PRKAR2A: variants seen among roughly 807,000 people sequenced by gnomAD.
PRKAR2A encodes cAMP-dependent protein kinase type II-alpha regulatory subunit.
Under a neutral mutation model 51.9 loss-of-function variants are expected in PRKAR2A, and 29 were observed. That is an observed-to-expected ratio of 0.56 (90% CI 0.42 to 0.76). The LOEUF is 0.76. PRKAR2A is among the 30% of genes least tolerant of loss of function. PRKAR2A has a pLI of 0.00. For missense variants in PRKAR2A, 445 were observed against 512.1 expected (o/e 0.87, Z 1.26); for synonymous variants, 178 against 186.2 (o/e 0.96, Z 0.36).
At position 48,788,179 on chromosome 3, in the gene PRKAR2A, C is replaced by T. The variant is rs190455214; in HGVS notation, c.435+2365G>A. Among the ~76,000 whole-genome samples the T allele has an allele frequency of 2.5e-3, 386 of 152,154 alleles. 3 individuals carry two copies. The highest frequency in any genetic ancestry group is 8.7e-3 in the African/African-American group (361 of 41,512). Reference sequence around the variant, plus strand: ...CCGAGTAGCTGAGACTACAGGTGCGCGCCACCACGCCCAGCTAATTTTTGT... The same window carrying T: ...CCGAGTAGCTGAGACTACAGGTGCGTGCCACCACGCCCAGCTAATTTTTGT... On this transcript the variant is annotated intron_variant, in intron 4 of 10. Coordinates refer to ENST00000265563, the MANE Select transcript of PRKAR2A (RefSeq NM_004157.4).
chr3:48,796,673 T>TG (rs1314579258), intron 2 of PRKAR2A, among the ~76,000 whole-genome samples: 1 of 149,980 alleles, frequency 6.7e-6, no homozygotes, highest in Non-Finnish European at 1.5e-5. Context: ...AGACGGGGTT[T>TG]TTTTTTTTTT....
intron 2 of PRKAR2A, among the ~76,000 whole-genome samples, chr3:48,803,391 G>C (rs1484766257): frequency 6.6e-6 from 1 of 152,058 alleles, no homozygotes; most frequent in African/African-American, 2.4e-5. Context: ...GCCCAGCCTG[G>C]GCAATAGAAG....
At chr3:48,794,408 C>T (rs1275315512) in intron 2 of PRKAR2A, among the ~76,000 whole-genome samples, 1 of 151,660 alleles carries the variant, frequency 6.6e-6, no homozygotes, top group African/African-American at 2.4e-5. Context: ...GATGTATATC[C>T]ACCTGATGTA....
At position 48,751,413 on chromosome 3, in the gene PRKAR2A, T is replaced by C; in HGVS notation, c.*172A>G. The stretch of plus-strand genomic sequence containing the variant: ...AAAGTGGAGGTGTGGGTTGAACCTC[T>C]GCCCATCCTTTAGTGCTGACTTTCA... On this transcript the variant is annotated 3_prime_UTR_variant, in exon 11 of 11. Transcript: ENST00000265563. 1.1e-6 allele frequency: 1 copy of C among 919,788 alleles called. No individual in the cohort carries two copies. The highest frequency in any genetic ancestry group is 1.7e-6 in the Non-Finnish European group (1 of 581,952). The allele number at this position is 919,788 out of a possible 1,614,324, so 57.0% of individuals were successfully genotyped here.
chr3:48,792,455 CTTTTTTT>C (rs983032500), intron 3 of PRKAR2A, among the ~76,000 whole-genome samples: 1 of 66,808 alleles, frequency 1.5e-5, no homozygotes, highest in Non-Finnish European at 2.8e-5. Flanking sequence ...AAGGTTTAAT[CTTTTTTT>C]TTTTTTTTTT....
intron 9 of PRKAR2A, 71 bp downstream of exon 9, chr3:48,756,308 C>T: frequency 7.3e-7 from 1 of 1,360,732 alleles, no homozygotes; most frequent in South Asian, 1.2e-5. Flanking sequence ...GTATTCAACA[C>T]ACTTCACATT....
At chr3:48,805,077 A>AT (rs1020567251) in intron 2 of PRKAR2A, among the ~76,000 whole-genome samples, 9 of 151,006 alleles carry the variant, frequency 6.0e-5, no homozygotes, top group South Asian at 2.1e-4. Context: ...ATGCCCAGCT[A>AT]TTTTTTTTTA....
chr3:48,759,308 C>G (rs1344909780), intron 8 of PRKAR2A, among the ~76,000 whole-genome samples: 2 of 151,626 alleles, frequency 1.3e-5, no homozygotes, highest in Non-Finnish European at 2.9e-5. Context: ...CTTTGTAGGA[C>G]TGCTGTCATT....
chr3:48,754,531 G>A (rs761992738), intron 9 of PRKAR2A, among the ~76,000 whole-genome samples: 4 of 152,066 alleles, frequency 2.6e-5, no homozygotes, highest in Non-Finnish European at 5.9e-5. Flanking sequence ...CCAGCACTTT[G>A]GGAGGCAGAG....
At chr3:48,800,859 G>A (rs2082578471) in intron 2 of PRKAR2A, among the ~76,000 whole-genome samples, 1 of 151,638 alleles carries the variant, frequency 6.6e-6, no homozygotes, top group Admixed American at 6.6e-5. Flanking sequence ...ATTTTTAGTA[G>A]AGACAGGGTT....
At chr3:48,827,334 TA>T (rs2083085162) in intron 1 of PRKAR2A, among the ~76,000 whole-genome samples, 1 of 147,508 alleles carries the variant, frequency 6.8e-6, no homozygotes, top group Admixed American at 6.8e-5. Context: ...CCACTGAGTT[TA>T]AGATGAAAAA....
At chr3:48,818,791 C>G (rs2082912745) in intron 1 of PRKAR2A, among the ~76,000 whole-genome samples, 1 of 152,054 alleles carries the variant, frequency 6.6e-6, no homozygotes. Context: ...AGTATTCTCA[C>G]AAATTCAATA....
At chr3:48,815,227 T>A (rs932232375) in intron 1 of PRKAR2A, among the ~76,000 whole-genome samples, 25 of 151,990 alleles carry the variant, frequency 1.6e-4, no homozygotes, top group Non-Finnish European at 3.2e-4. Flanking sequence ...AATTTACCAG[T>A]TCTAAAGCCC....
intron 2 of PRKAR2A, among the ~76,000 whole-genome samples, chr3:48,801,527 G>A (rs956572713): frequency 6.6e-6 from 1 of 152,120 alleles, no homozygotes; most frequent in African/African-American, 2.4e-5. Context: ...GACCTCAGGT[G>A]ACCAGCCCAT....
chr3:48,821,209 G>A (rs921235380), intron 1 of PRKAR2A, among the ~76,000 whole-genome samples: 4 of 152,164 alleles, frequency 2.6e-5, no homozygotes, highest in Non-Finnish European at 4.4e-5. Context: ...TCAAGTCAGA[G>A]ATGACACAGA....
intron 1 of PRKAR2A, among the ~76,000 whole-genome samples, chr3:48,842,437 C>T (rs2083395754): frequency 1.3e-5 from 2 of 152,218 alleles, no homozygotes; most frequent in South Asian, 4.1e-4. Flanking sequence ...CTGGCCACAA[C>T]TTCCAACACT....
intron 1 of PRKAR2A, among the ~76,000 whole-genome samples, chr3:48,830,135 G>A (rs951341026): frequency 5.9e-5 from 9 of 151,494 alleles, no homozygotes; most frequent in Non-Finnish European, 1.2e-4. Context: ...CCTGGGAAGC[G>A]GAGGTTGCAG....
At chr3:48,801,838 G>GC (rs2082595582) in intron 2 of PRKAR2A, among the ~76,000 whole-genome samples, 1 of 152,172 alleles carries the variant, frequency 6.6e-6, no homozygotes, top group South Asian at 2.1e-4. Context: ...CAGAGTTCAA[G>GC]CGATTCTCCT....
chr3:48,817,840 C>A (rs1056121606), intron 1 of PRKAR2A, among the ~76,000 whole-genome samples: 1 of 151,504 alleles, frequency 6.6e-6, no homozygotes, highest in African/African-American at 2.4e-5. Context: ...GAGCTGTGAG[C>A]CCCAAATAAG....
Sources: gnomAD v4.1 joint callset for allele counts (sites outside exome capture counted in the v4.1 genomes callset) on GRCh38, gnomAD v4.1.1 for gene constraint, MANE v1.5 for transcripts, NCBI Gene and HGNC (gene_info 2026-07-23, HGNC 2026-07-21) for gene names.